The following SNAI3 variants were observed in gnomAD, a reference collection of about 807,000 sequenced individuals.
SNAI3 encodes the protein zinc finger protein SNAI3.
Under a neutral mutation model 16.4 loss-of-function variants are expected in SNAI3, and 21 were observed. That is an observed-to-expected ratio of 1.28 (90% CI 0.91 to 1.85). The LOEUF (loss-of-function observed/expected upper bound fraction) is 1.85, where lower values mean the gene tolerates loss of function less well. SNAI3 is among the 40% of genes most tolerant of loss of function. SNAI3 has a pLI of 0.00. For synonymous variants in SNAI3, 202 were observed against 166.6 expected (o/e 1.21, Z -1.64); for missense variants, 457 against 372.8 (o/e 1.23, Z -1.86).
rs142561823 is a variant in SNAI3, at chr16:88,681,340, C to T, written c.451G>A (p.Gly151Ser). 1,532 of 1,612,934 alleles carry T rather than the reference C, an allele frequency of 9.5e-4. 3 individuals are homozygous for T. Among genetic ancestry groups the T allele is most frequent in the Non-Finnish European group, 1.2e-3 (1,396 of 1,179,722 alleles). Residue 151 changes from glycine to serine, a missense_variant, in exon 2 of 3, where the codon GGC becomes AGC. By Grantham distance (56) the Gly-to-Ser change is moderately conservative. Transcript: ENST00000332281. The surrounding 1 kb of genome is among the most constrained non-coding windows in gnomAD (Gnocchi z 5.4). ...TTGTGGCAGTGGAAGCACTCAAAGC[C>T]GCCCGGGGCTCGGGGCATCCGCTCA... ...GAERMPRAPG[G>S]FECFHCHKPY...
intron 2 of SNAI3, among the ~76,000 whole-genome samples, chr16:88,679,631 A>G (rs1372057531): frequency 6.6e-6 from 1 of 151,556 alleles, no homozygotes; most frequent in African/African-American, 2.4e-5. Context: ...GCGTGGTGGC[A>G]GGTGTCTGTA....
In SNAI3 at chr16:88,681,516, T is replaced by C. The variant is rs773143701; in HGVS notation, c.275A>G (p.Glu92Gly). 4.6e-6 allele frequency: 7 copies of C among 1,537,298 alleles called. No homozygotes were observed. Among genetic ancestry groups the C allele is most frequent in the Non-Finnish European group, 6.2e-6 (7 of 1,137,568 alleles). ...GGCCCGGCTGGCCCGAGGGTCGACC[T>C]CGCTGACTTCCAAGGCGTCCAGCCC... ...ASGLDALEVS[E>G]VDPRASRAAI... is the part of the protein sequence containing the mutation. Residue 92 changes from glutamate to glycine, a missense_variant, in exon 2 of 3, where the codon GAG (glutamate) becomes GGG (glycine). Glu to Gly is a moderately conservative substitution (Grantham distance 98). Transcript: ENST00000332281. This position sits in a 1 kb window ranked among gnomAD's most constrained non-coding sequence, Gnocchi z 5.4.
At position 88,686,320 on chromosome 16, in the gene SNAI3, G is replaced by C. The variant is rs185985291; in HGVS notation, c.76+11C>G. On this transcript the variant is annotated intron_variant, in intron 1 of 2. Coordinates refer to ENST00000332281, the MANE Select transcript of SNAI3 (RefSeq NM_178310.4). Reference sequence around the variant, plus strand: ...GTCCCGGCAGGGGCTCGGGGATCGGGTAGTCAGTACCTCTCTGCGTCTCCA... The same window carrying C: ...GTCCCGGCAGGGGCTCGGGGATCGGCTAGTCAGTACCTCTCTGCGTCTCCA... The C allele has an allele frequency of 1.2e-6, 2 of 1,610,274 alleles. No individual in the cohort carries two copies. Among genetic ancestry groups the C allele is most frequent in the Admixed American group, 3.3e-5 (2 of 59,910 alleles).
chr16:88,679,294 C>T (rs1413904449), intron 2 of SNAI3, among the ~76,000 whole-genome samples: 2 of 152,168 alleles, frequency 1.3e-5, no homozygotes, highest in Non-Finnish European at 1.5e-5. Context: ...GGCCCTTTGG[C>T]ACGGAAAGGG....
At position 88,681,051 on chromosome 16, in the gene SNAI3, C is replaced by T. The variant is rs913726767; in HGVS notation, c.697+43G>A. Reference sequence around the variant, plus strand: ...TCTAACTCCCGCAGCCCACCCTCTTCCCCCAGCCCAGACCGTCCTTGCAGA... The same window carrying T: ...TCTAACTCCCGCAGCCCACCCTCTTTCCCCAGCCCAGACCGTCCTTGCAGA... On this transcript the variant is annotated intron_variant, in intron 2 of 2. Coordinates refer to ENST00000332281, the MANE Select transcript of SNAI3 (RefSeq NM_178310.4). The surrounding 1 kb of genome is among the most constrained non-coding windows in gnomAD (Gnocchi z 5.4). 1.3e-6 allele frequency: 2 copies of T among 1,576,746 alleles called. No individual in the cohort carries two copies. The highest frequency in any genetic ancestry group is 2.7e-5 in the African/African-American group (2 of 74,106).
Position 88,678,563 on chromosome 16 carries a change from T to C in SNAI3, c.764A>G (p.His255Arg), listed in dbSNP as rs1909054847. 3.5e-6 allele frequency: 3 copies of C among 856,280 alleles called. No homozygotes were observed. Among genetic ancestry groups the C allele is most frequent in the Non-Finnish European group, 6.1e-6 (3 of 489,008 alleles). The allele number at this position is 856,280 out of a possible 1,614,324, so 53.0% of individuals were successfully genotyped here. ...AFADRSNLRA[H>R]LQTHSDAKKY... The stretch of plus-strand genomic sequence containing the variant: ...CTTGGCGTCTGAGTGCGTTTGCAGA[T>C]GGGCCCGAAGGTTGGAGCGGTCGGC... Residue 255 changes from histidine (H) to arginine (R), a missense_variant, in exon 3 of 3, where the codon CAT becomes CGT. Transcript: ENST00000332281.
Position 88,681,818 on chromosome 16 carries a change from C to G in SNAI3, c.77-104G>C. ...GACCCAGTCACAGCCCATCAGCAGCCTGGCGTGGGAGGTGTAGCCGGGAAC... is the reference window on the plus strand; with the variant it reads ...GACCCAGTCACAGCCCATCAGCAGCGTGGCGTGGGAGGTGTAGCCGGGAAC... On this transcript the variant is annotated intron_variant, in intron 1 of 2. Coordinates refer to ENST00000332281, the MANE Select transcript of SNAI3 (RefSeq NM_178310.4). The surrounding 1 kb of genome is among the most constrained non-coding windows in gnomAD (Gnocchi z 5.4). 1 of 1,249,634 alleles carries G rather than the reference C, an allele frequency of 8.0e-7. No homozygotes were observed. The highest frequency in any genetic ancestry group is 1.5e-5 in the African/African-American group (1 of 65,262). The allele number at this position is 1,249,634 out of a possible 1,614,324, so 77.4% of individuals were successfully genotyped here. A position where few individuals can be genotyped will look rare whatever the true frequency, so the allele number is the denominator to read the frequency against.
At chr16:88,678,906 G>T in intron 2 of SNAI3, 1 of 985,410 alleles carries the variant, frequency 1.0e-6, no homozygotes, top group Non-Finnish European at 1.2e-6. Flanking sequence ...AGCACTGGGG[G>T]CCTCTGGCAG....
At chr16:88,679,779 A>AAAAG (rs986685050) in intron 2 of SNAI3, among the ~76,000 whole-genome samples, 70 of 144,492 alleles carry the variant, frequency 4.8e-4, no homozygotes, top group African/African-American at 1.6e-3. Context: ...AAAAAAAAAA[A>AAAAG]AAAGAAAAAG....
intron 1 of SNAI3, among the ~76,000 whole-genome samples, chr16:88,683,084 C>CCT (rs1256020631): frequency 1.0e-4 from 10 of 98,894 alleles, no homozygotes; most frequent in Non-Finnish European, 1.8e-4. Context: ...GCCCCCCACC[C>CCT]TTTTTTTTTT....
intron 2 of SNAI3, chr16:88,678,943 G>C (rs918329826): frequency 2.0e-6 from 2 of 984,886 alleles, no homozygotes; most frequent in Non-Finnish European, 2.4e-6. Flanking sequence ...ACAGGCAAGT[G>C]GGGGGGTCTG....
At position 88,677,826 on chromosome 16, in the gene SNAI3, CGTG is replaced by C. The variant is rs145748802; in HGVS notation, c.*619_*621del. 41,040 of 152,304 alleles carry C rather than the reference CGTG, an allele frequency of 0.27. 5,928 individuals are homozygous for C. Among genetic ancestry groups the C allele is most frequent in the Non-Finnish European group, 0.33 (22,621 of 68,012 alleles). 9.4% of individuals were successfully genotyped at this position (152,304 alleles called of 1,614,324 possible). On this transcript the variant is annotated 3_prime_UTR_variant, in exon 3 of 3. Coordinates refer to ENST00000332281, the MANE Select transcript of SNAI3 (RefSeq NM_178310.4). The stretch of plus-strand genomic sequence containing the variant: ...ATCCCAACACACCCAAATCACCAAT[CGTG>C]GGCTCTCCCAGTCCTGCCCCATCTC...
In SNAI3 at chr16:88,681,723, G is replaced by T. The variant is rs1220703559; in HGVS notation, c.77-9C>A. 7.0e-7 allele frequency: 1 copy of T among 1,431,010 alleles called. No individual in the cohort carries two copies. Among genetic ancestry groups the T allele is most frequent in the Admixed American group, 2.6e-5 (1 of 38,594 alleles). The allele number at this position is 1,431,010 out of a possible 1,614,324, so 88.6% of individuals were successfully genotyped here. On this transcript the variant is annotated splice_polypyrimidine_tract_variant and intron_variant, in intron 1 of 2. Transcript: ENST00000332281. This position sits in a 1 kb window ranked among gnomAD's most constrained non-coding sequence, Gnocchi z 5.4. ...GCAGGCACCATTGATTTCTAGAGGG[G>T]TGGAGGGGAGAGAATAGAAAGATGA...
chr16:88,679,077 A>G (rs1017797395), intron 2 of SNAI3: 3 of 985,334 alleles, frequency 3.0e-6, no homozygotes, highest in Admixed American at 6.1e-5. Context: ...CCTTGGCCCA[A>G]CACCTGTAAA....
At chr16:88,679,256 C>T (rs1909078583) in intron 2 of SNAI3, among the ~76,000 whole-genome samples, 1 of 152,234 alleles carries the variant, frequency 6.6e-6, no homozygotes, top group Admixed American at 6.5e-5. Context: ...ACACTCCTCA[C>T]TCCCAGGCTG....
At chr16:88,682,040 G>A (rs968695870) in intron 1 of SNAI3, among the ~76,000 whole-genome samples, 2 of 152,184 alleles carry the variant, frequency 1.3e-5, no homozygotes, top group African/African-American at 4.8e-5. Context: ...GGGTAAAGGA[G>A]GGCCCTTTAC....
chr16:88,686,097 A>C, intron 1 of SNAI3: 1 of 554,892 alleles, frequency 1.8e-6, no homozygotes, highest in Admixed American at 3.2e-5. Context: ...AACTTCTCCA[A>C]GTTGGGAGAG....
At chr16:88,680,235 G>A (rs1909118966) in intron 2 of SNAI3, among the ~76,000 whole-genome samples, 1 of 151,526 alleles carries the variant, frequency 6.6e-6, no homozygotes, top group African/African-American at 2.4e-5. Flanking sequence ...CTCTTGGGAA[G>A]GGCAGGCCAC....
At chr16:88,678,769 G>C (rs2142941044) in intron 2 of SNAI3, 140 bp from the exon 3 acceptor site, 1 of 1,436,520 alleles carries the variant, frequency 7.0e-7, no homozygotes, top group East Asian at 2.6e-5. Context: ...AGCTGTGTGG[G>C]GACGGGGTGG....
Sources: allele counts gnomAD v4.1 joint callset (sites outside exome capture counted in the v4.1 genomes callset), GRCh38; gene constraint gnomAD v4.1.1; non-coding constraint Gnocchi (gnomAD v3.1); transcripts MANE v1.5; gene names NCBI Gene and HGNC (gene_info 2026-07-23, HGNC 2026-07-21).